Variants in SH3RF3 observed in about 807,000 individuals in gnomAD.
The protein encoded by SH3RF3 is SH3 domain containing ring finger 3.
A neutral mutation model predicts 66.3 loss-of-function variants in SH3RF3; 29 were observed. The ratio of observed to expected loss-of-function variants is 0.44; its 90% confidence interval spans 0.33 to 0.60. The LOEUF is 0.60. Ranked by LOEUF, SH3RF3 falls within the 20% of genes least tolerant of loss-of-function variation. SH3RF3 has a pLI of 0.04. For synonymous variants in SH3RF3, 583 were observed against 532.0 expected (o/e 1.10, Z -1.32); for missense variants, 1,194 against 1,190.9 (o/e 1.00, Z -0.04).
intron 1 of SH3RF3, among the ~76,000 whole-genome samples, chr2:109,214,088 G>A (rs1468083071): frequency 6.6e-6 from 1 of 152,194 alleles, no homozygotes; most frequent in Non-Finnish European, 1.5e-5. Flanking sequence ...CGGCGAGGAG[G>A]AAGGGGTGTT....
chr2:109,337,323 T>A (rs1435088680), intron 1 of SH3RF3, among the ~76,000 whole-genome samples: 2 of 152,222 alleles, frequency 1.3e-5, no homozygotes, highest in Admixed American at 1.3e-4. Flanking sequence ...GGGTGCAGGG[T>A]GCATCGGGCT....
intron 2 of SH3RF3, 72 bp from the exon 3 acceptor site, chr2:109,371,514 C>G (rs1164429954): frequency 7.7e-7 from 1 of 1,303,068 alleles, no homozygotes; most frequent in Non-Finnish European, 1.1e-6. Context: ...ACAGTACTAA[C>G]CAGTGTCTTG....
At chr2:109,246,307 T>C (rs914160802) in intron 1 of SH3RF3, among the ~76,000 whole-genome samples, 1 of 152,216 alleles carries the variant, frequency 6.6e-6, no homozygotes, top group African/African-American at 2.4e-5. Context: ...TGGTAAAGAC[T>C]GGCCTCCAGG....
In SH3RF3 at chr2:109,129,736, A is replaced by G; in HGVS notation, c.196A>G (p.Thr66Ala). The G allele has an allele frequency of 6.5e-7, 1 of 1,538,952 alleles. No homozygotes were observed. Among genetic ancestry groups the G allele is most frequent in the Non-Finnish European group, 8.7e-7 (1 of 1,145,236 alleles). The change falls in exon 1 of 10, where the codon ACC becomes GCC. Residue 66 changes from threonine (T) to alanine (A), a missense_variant. Thr to Ala is a moderately conservative substitution (Grantham distance 58). Coordinates refer to ENST00000309415, the MANE Select transcript of SH3RF3 (RefSeq NM_001099289.3). ...CTCCGTGTGTCTGGAGCGCCTGGAC[A>G]CCACGGCCAAGGTGCTGCCATGCCA... ...ECSVCLERLD[T>A]TAKVLPCQHT... is the part of the protein sequence containing the mutation.
At chr2:109,277,124 G>A (rs1305413009) in intron 1 of SH3RF3, among the ~76,000 whole-genome samples, 1 of 152,216 alleles carries the variant, frequency 6.6e-6, no homozygotes, top group Non-Finnish European at 1.5e-5. Flanking sequence ...CAGGACTGTA[G>A]GAGGGGGCAT....
chr2:109,142,420 T>A (rs1413099127), intron 1 of SH3RF3, among the ~76,000 whole-genome samples: 1 of 152,210 alleles, frequency 6.6e-6, no homozygotes, highest in East Asian at 1.9e-4. Context: ...AAACTTGGAA[T>A]CAAATATGTG....
intron 1 of SH3RF3, among the ~76,000 whole-genome samples, chr2:109,282,871 G>A (rs1447490740): frequency 6.6e-6 from 1 of 152,124 alleles, no homozygotes; most frequent in Non-Finnish European, 1.5e-5. Context: ...AGGAGCTATG[G>A]ATGGGGAGTC....
chr2:109,162,250 G>A (rs4676252), intron 1 of SH3RF3, among the ~76,000 whole-genome samples: 123,658 of 152,150 alleles, frequency 0.81, 50,425 homozygotes, highest in East Asian at 0.89. Context: ...AAGACAAGTG[G>A]TGGTGGAGCA....
chr2:109,166,539 A>G (rs539066921), intron 1 of SH3RF3, among the ~76,000 whole-genome samples: 37 of 152,234 alleles, frequency 2.4e-4, no homozygotes, highest in Non-Finnish European at 5.0e-4. Context: ...TCTCTGCTCA[A>G]TGTCAGCCAT....
At chr2:109,224,266 T>G (rs1407763300) in intron 1 of SH3RF3, among the ~76,000 whole-genome samples, 1 of 152,214 alleles carries the variant, frequency 6.6e-6, no homozygotes, top group Non-Finnish European at 1.5e-5. Context: ...TTACCAAGCA[T>G]AGTAAAATAA....
chr2:109,478,481 T>C (rs1328177012), intron 8 of SH3RF3, among the ~76,000 whole-genome samples: 1 of 152,266 alleles, frequency 6.6e-6, no homozygotes, highest in Non-Finnish European at 1.5e-5. Context: ...TTCAGTTATC[T>C]AGATGTCTTC....
At chr2:109,287,592 A>G (rs771029834) in intron 1 of SH3RF3, among the ~76,000 whole-genome samples, 14 of 152,120 alleles carry the variant, frequency 9.2e-5, no homozygotes, top group East Asian at 1.9e-4. Context: ...CATCTGCACT[A>G]TATACCCAGG....
rs140314771 is a variant in SH3RF3, at chr2:109,270,079, C to T, written c.574-77595C>T. On this transcript the variant is annotated intron_variant, in intron 1 of 9. Coordinates refer to ENST00000309415, the MANE Select transcript of SH3RF3 (RefSeq NM_001099289.3). ...AGCAGGATGCCGTGAGCTTGGCTGC[C>T]GTGGGGCAGGGGCACCAGTCCCTCT... is the stretch of plus-strand genomic sequence containing the variant. 6.1e-4 allele frequency among the ~76,000 whole-genome samples: 93 copies of T among 152,316 alleles called. 1 individual carries two copies. The East Asian group carries it at 0.017, about 28-fold the overall frequency.
At chr2:109,501,471 T>G (rs1332593390) in intron 9 of SH3RF3, 32 bp from the exon 10 acceptor site, 1 of 765,840 alleles carries the variant, frequency 1.3e-6, no homozygotes. Context: ...AGATTGTCTG[T>G]GTGGGGCTCA....
chr2:109,426,051 C>T (rs1254815220), intron 5 of SH3RF3, among the ~76,000 whole-genome samples: 3 of 152,182 alleles, frequency 2.0e-5, no homozygotes, highest in Non-Finnish European at 4.4e-5. Context: ...GCGCATGCCA[C>T]CACGCCCAGC....
intron 1 of SH3RF3, among the ~76,000 whole-genome samples, chr2:109,171,536 C>T (rs945401657): frequency 6.6e-6 from 1 of 152,252 alleles, no homozygotes; most frequent in African/African-American, 2.4e-5. Context: ...TGGCTTCGCC[C>T]GCGGCGGGCC....
intron 1 of SH3RF3, among the ~76,000 whole-genome samples, chr2:109,140,233 A>C (rs1251918583): frequency 6.6e-6 from 1 of 152,166 alleles, no homozygotes; most frequent in Non-Finnish European, 1.5e-5. Context: ...TGGTTGACGC[A>C]CGTGTTTGGA....
chr2:109,186,355 G>A (rs574242799), intron 1 of SH3RF3, among the ~76,000 whole-genome samples: 1 of 152,348 alleles, frequency 6.6e-6, no homozygotes, highest in South Asian at 2.1e-4. Context: ...GAGGCACGGA[G>A]AAGTTGAGTA....
At chr2:109,265,452 C>T (rs959934620) in intron 1 of SH3RF3, among the ~76,000 whole-genome samples, 2 of 152,234 alleles carry the variant, frequency 1.3e-5, no homozygotes, top group Non-Finnish European at 2.9e-5. Flanking sequence ...CAGTGAGCCC[C>T]CACCTCCCAG....
Sources: gnomAD v4.1 joint callset for allele counts (sites outside exome capture counted in the v4.1 genomes callset) on GRCh38, gnomAD v4.1.1 for gene constraint, MANE v1.5 for transcripts, NCBI Gene and HGNC (gene_info 2026-07-23, HGNC 2026-07-21) for gene names.